ULK4: variants seen among roughly 807,000 people sequenced by gnomAD.
The protein encoded by ULK4 is inactive serine/threonine-protein kinase ULK4.
In ULK4, 133 loss-of-function variants were observed where a neutral mutation model predicts 160.6. The ratio of observed to expected loss-of-function variants is 0.83; its 90% CI spans 0.72 to 0.96. The LOEUF is 0.96. ULK4 is among the 40% of genes least tolerant of loss of function. ULK4 has a pLI of 0.00. For synonymous variants in ULK4, 534 were observed against 539.8 expected (o/e 0.99, Z 0.15); for missense variants, 1,580 against 1,499.5 (o/e 1.05, Z -0.89).
intron 18 of ULK4, among the ~76,000 whole-genome samples, chr3:41,832,533 CTTTA>C (rs2125649133): frequency 6.6e-6 from 1 of 152,288 alleles, no homozygotes; most frequent in African/African-American, 2.4e-5. Context: ...TGCAGAAGCT[CTTTA>C]GTTTAATTAG....
intron 18 of ULK4, among the ~76,000 whole-genome samples, chr3:41,824,673 C>G (rs146184548): frequency 0.015 from 2,233 of 152,244 alleles, 44 homozygotes; most frequent in African/African-American, 0.052. Context: ...CCAGGAAGCT[C>G]GAACTGGGTG....
At chr3:41,627,409 G>A (rs1403828606) in intron 30 of ULK4, among the ~76,000 whole-genome samples, 3 of 152,182 alleles carry the variant, frequency 2.0e-5, no homozygotes, top group East Asian at 1.9e-4. Flanking sequence ...CATAAAAAGA[G>A]TAGACAAGAC....
chr3:41,590,748 G>T (rs1488839964), intron 31 of ULK4, among the ~76,000 whole-genome samples: 1 of 149,610 alleles, frequency 6.7e-6, no homozygotes, highest in Non-Finnish European at 1.5e-5. Context: ...TGAAGACCTC[G>T]CAATACAGTA....
chr3:41,935,193 TTTTA>T (rs1293341758), intron 4 of ULK4, among the ~76,000 whole-genome samples: 54 of 23,618 alleles, frequency 2.3e-3, no homozygotes, highest in African/African-American at 3.4e-3. Flanking sequence ...TTTTTTGTGT[TTTTA>T]TTTATTTATT....
chr3:41,430,279 C>G (rs1232938996), intron 34 of ULK4, among the ~76,000 whole-genome samples: 1 of 152,102 alleles, frequency 6.6e-6, no homozygotes, highest in Non-Finnish European at 1.5e-5. Flanking sequence ...CATAGTTAAG[C>G]CTTTATTATC....
At chr3:41,958,775 A>G (rs1016810723) in intron 1 of ULK4, among the ~76,000 whole-genome samples, 1 of 152,034 alleles carries the variant, frequency 6.6e-6, no homozygotes, top group African/African-American at 2.4e-5. Context: ...AGATTGTTCT[A>G]GGAGAGGAAA....
Position 41,954,840 on chromosome 3 carries a change from G to T in ULK4, c.-48-33C>A, listed in dbSNP as rs145687790. 5.8e-5 allele frequency: 80 copies of T among 1,368,622 alleles called. 1 individual carries two copies. In the South Asian group the frequency reaches 8.1e-4, roughly 14 times the overall value. 84.8% of individuals were successfully genotyped at this position (1,368,622 alleles called of 1,614,324 possible). A position where few individuals can be genotyped will look rare whatever the true frequency, so the allele number is the denominator to read the frequency against. On this transcript the variant is annotated intron_variant, in intron 1 of 36. Coordinates refer to ENST00000301831, the MANE Select transcript of ULK4 (RefSeq NM_017886.4). ...GTAAACAAAAATGACATTGATAAATGCAAGTTAGTTGCATAATTAATTAGC... is the reference window on the plus strand; with the variant it reads ...GTAAACAAAAATGACATTGATAAATTCAAGTTAGTTGCATAATTAATTAGC...
At chr3:41,428,271 CATAAACAGATGG>C (rs1453452426) in intron 34 of ULK4, among the ~76,000 whole-genome samples, 12 of 152,224 alleles carry the variant, frequency 7.9e-5, no homozygotes, top group African/African-American at 2.9e-4. Context: ...TCAGAGAGGA[CATAAACAGATGG>C]AAAAACATTC....
chr3:41,536,385 G>T (rs898158584), intron 32 of ULK4, among the ~76,000 whole-genome samples: 2 of 151,926 alleles, frequency 1.3e-5, no homozygotes, highest in Admixed American at 6.6e-5. Context: ...TTCTTAAAAC[G>T]CAATACAGTA....
intron 16 of ULK4, among the ~76,000 whole-genome samples, chr3:41,889,672 C>G (rs558954610): frequency 2.0e-5 from 3 of 152,264 alleles, no homozygotes; most frequent in African/African-American, 7.2e-5. Context: ...GTATTATGTA[C>G]CCCTGAACCT....
chr3:41,309,879 C>A (rs2080016764), intron 35 of ULK4, among the ~76,000 whole-genome samples: 1 of 147,148 alleles, frequency 6.8e-6, no homozygotes, highest in Non-Finnish European at 1.5e-5. Context: ...ATGGGTAAAT[C>A]TAACCAATGC....
In ULK4 at chr3:41,717,732, G is replaced by T; in HGVS notation, c.2451C>A (p.Ile817=). 6.2e-7 allele frequency: 1 copy of T among 1,611,340 alleles called. No homozygotes were observed. The highest frequency in any genetic ancestry group is 8.5e-7 in the Non-Finnish European group (1 of 1,177,910). Residue 817 remains isoleucine, a synonymous_variant, in exon 23 of 37, where the codon ATC becomes ATA. Coordinates refer to ENST00000301831, the MANE Select transcript of ULK4 (RefSeq NM_017886.4). ...ICHIVQELPR[I]LGDILNSLAN... The stretch of plus-strand genomic sequence containing the variant: ...GAGGATGAGACTCCAATTTACCCAG[G>T]ATTCGTGGCAGCTCCTGCACAATGT...
At chr3:41,935,731 C>T (rs1234598900) in intron 4 of ULK4, 70 bp downstream of exon 4, 1 of 1,493,888 alleles carries the variant, frequency 6.7e-7, no homozygotes, top group Non-Finnish European at 9.0e-7. Flanking sequence ...CCAAAAATAA[C>T]AACATCTTTG....
chr3:41,790,396 T>A (rs140808514), intron 20 of ULK4, among the ~76,000 whole-genome samples: 139 of 152,318 alleles, frequency 9.1e-4, no homozygotes, highest in African/African-American at 3.2e-3. Context: ...TAAACCGATA[T>A]AATCAGACCC....
At chr3:41,953,829 C>T (rs1442352055) in intron 2 of ULK4, among the ~76,000 whole-genome samples, 5 of 152,236 alleles carry the variant, frequency 3.3e-5, no homozygotes, top group African/African-American at 9.6e-5. Context: ...AGGCAGACTG[C>T]TTGAGCTCAG....
chr3:41,825,845 G>A (rs1401071607), intron 18 of ULK4, among the ~76,000 whole-genome samples: 2 of 152,142 alleles, frequency 1.3e-5, no homozygotes, highest in East Asian at 1.9e-4. Context: ...GCAACTCCAA[G>A]ACACATAATT....
chr3:41,714,063 A>T (rs1423423902), intron 25 of ULK4, among the ~76,000 whole-genome samples: 2 of 152,250 alleles, frequency 1.3e-5, no homozygotes, highest in Non-Finnish European at 2.9e-5. Flanking sequence ...AATTGTAAAT[A>T]GAAAAATCAT....
chr3:41,527,520 T>G lies in ULK4; in HGVS notation c.3226+38505A>C, dbSNP rs76132875. 2.7e-3 allele frequency among the ~76,000 whole-genome samples: 407 copies of G among 152,342 alleles called. 1 individual carries two copies. The highest frequency in any genetic ancestry group is 7.1e-3 in the Admixed American group (109 of 15,306). On this transcript the variant is annotated intron_variant, in intron 32 of 36. Transcript: ENST00000301831. The stretch of plus-strand genomic sequence containing the variant: ...GGACAGACACATTAAGTCACCAGTA[T>G]AGGGCTAACGCCAGTGGCATATGCC...
At chr3:41,902,143 G>A (rs544011957) in intron 12 of ULK4, among the ~76,000 whole-genome samples, 27 of 152,176 alleles carry the variant, frequency 1.8e-4, no homozygotes, top group African/African-American at 6.5e-4. Context: ...AAATAGAAAA[G>A]TAAATCAGTG....
Sources: gnomAD v4.1 joint callset for allele counts (sites outside exome capture counted in the v4.1 genomes callset) on GRCh38, gnomAD v4.1.1 for gene constraint, MANE v1.5 for transcripts, NCBI Gene and HGNC (gene_info 2026-07-23, HGNC 2026-07-21) for gene names.